The following NACC2 variants were observed in gnomAD, a reference collection of about 807,000 sequenced individuals.
NACC2 encodes NACC family member 2.
Under a neutral mutation model 25.1 loss-of-function variants are expected in NACC2, and 8 were observed. That is an observed-to-expected ratio of 0.32 (90% CI 0.19 to 0.57). NACC2 has a LOEUF of 0.57. Ranked by LOEUF, NACC2 falls within the 20% of genes least tolerant of loss-of-function variation. The pLI, the probability that NACC2 is intolerant of heterozygous loss-of-function variation, is 0.89. For synonymous variants in NACC2, 435 were observed against 294.7 expected (o/e 1.48, Z -4.88); for missense variants, 644 against 650.2 (o/e 0.99, Z 0.10).
intron 3 of NACC2, among the ~76,000 whole-genome samples, chr9:136,014,645 T>C (rs1003298551): frequency 2.6e-5 from 4 of 152,136 alleles, no homozygotes; most frequent in African/African-American, 9.7e-5. Flanking sequence ...AACACTCATG[T>C]CTTTGCCTTT....
At chr9:136,045,990 G>A (rs1410087847) in intron 2 of NACC2, among the ~76,000 whole-genome samples, 1 of 152,138 alleles carries the variant, frequency 6.6e-6, no homozygotes, top group Non-Finnish European at 1.5e-5. Context: ...AGATGCCCCC[G>A]AGCCCTGAGC....
At chr9:136,031,244 A>G (rs1458832051) in intron 2 of NACC2, among the ~76,000 whole-genome samples, 2 of 152,252 alleles carry the variant, frequency 1.3e-5, no homozygotes, top group African/African-American at 2.4e-5. Context: ...GATAATCTTG[A>G]TATCAAAACA....
At chr9:136,033,743 C>T (rs1342408561) in intron 2 of NACC2, among the ~76,000 whole-genome samples, 1 of 150,380 alleles carries the variant, frequency 6.6e-6, no homozygotes, top group African/African-American at 2.4e-5. Flanking sequence ...AAAATTATTG[C>T]TTTGGAGAGT....
chr9:136,026,585 C>T (rs1358869357), intron 2 of NACC2, among the ~76,000 whole-genome samples: 1 of 151,980 alleles, frequency 6.6e-6, no homozygotes, highest in Non-Finnish European at 1.5e-5. Flanking sequence ...TGAGGTAACG[C>T]AGGAGACAGT....
In NACC2 at chr9:136,049,792, C is replaced by A; in HGVS notation, c.730G>T (p.Gly244Trp). ...PGIQQMPYPQ[G>W]ERTSPGASSL... ...CTGGCGCCTGGACTGGTCCGCTCCC[C>A]CTGGGGGTAGGGCATCTGCTGGATG... Residue 244 changes from glycine to tryptophan, a missense_variant, in exon 2 of 6, where the codon GGG (glycine) becomes TGG (tryptophan). Coordinates refer to ENST00000277554, the MANE Select transcript of NACC2 (RefSeq NM_144653.5). The A allele has an allele frequency of 1.3e-6, 1 of 766,032 alleles. No homozygotes were observed. The highest frequency in any genetic ancestry group is 1.7e-5 in the African/African-American group (1 of 58,852). The allele number at this position is 766,032 out of a possible 1,614,324, so 47.5% of individuals were successfully genotyped here.
At chr9:136,051,368 G>A (rs1840832556) in intron 1 of NACC2, among the ~76,000 whole-genome samples, 5 of 152,298 alleles carry the variant, frequency 3.3e-5, no homozygotes, top group South Asian at 2.1e-4. Context: ...CCCCCACCCC[G>A]CTCGCCTCGC....
At chr9:136,046,448 C>T (rs947091790) in intron 2 of NACC2, among the ~76,000 whole-genome samples, 4,457 of 152,342 alleles carry the variant, frequency 0.029, 107 homozygotes, top group Non-Finnish European at 0.048. Flanking sequence ...GGAGGAAGGT[C>T]CCTGCCTGCC....
intron 2 of NACC2, among the ~76,000 whole-genome samples, chr9:136,034,513 ATACT>A (rs1385295826): frequency 6.6e-6 from 1 of 152,226 alleles, no homozygotes; most frequent in Non-Finnish European, 1.5e-5. Flanking sequence ...AAAAACAAAA[ATACT>A]TAGTGGCAAT....
chr9:136,015,080 ACAGGCCCTTCCTGC>A (rs2131133425), intron 3 of NACC2, among the ~76,000 whole-genome samples: 1 of 151,970 alleles, frequency 6.6e-6, no homozygotes, highest in Admixed American at 6.5e-5. Flanking sequence ...CACCACTCCC[ACAGGCCCTTCCTGC>A]CAGGGTCTGG....
intron 2 of NACC2, among the ~76,000 whole-genome samples, chr9:136,035,080 C>T (rs1347252008): frequency 1.3e-5 from 2 of 152,034 alleles, no homozygotes; most frequent in African/African-American, 2.4e-5. Flanking sequence ...GGTGACAGAG[C>T]GAGACTCCAT....
intron 2 of NACC2, among the ~76,000 whole-genome samples, chr9:136,039,825 T>C (rs1371908674): frequency 3.9e-5 from 6 of 151,932 alleles, no homozygotes; most frequent in Admixed American, 3.9e-4. Context: ...GCTGATATGT[T>C]CCCCCCGAGA....
chr9:136,042,699 CACACAGACACAG>C (rs1255782904), intron 2 of NACC2, among the ~76,000 whole-genome samples: 4 of 151,746 alleles, frequency 2.6e-5, no homozygotes, highest in South Asian at 2.1e-4. Flanking sequence ...CACAGACACA[CACACAGACACAG>C]AGACACACAC....
At chr9:136,067,559 C>T (rs12682934) in intron 1 of NACC2, among the ~76,000 whole-genome samples, 16,444 of 151,978 alleles carry the variant, frequency 0.11, 878 homozygotes, top group East Asian at 0.13. Flanking sequence ...CTCGATGGGC[C>T]GGGCGCGGTG....
chr9:136,088,222 C>T (rs1003382035), intron 1 of NACC2, among the ~76,000 whole-genome samples: 12 of 152,270 alleles, frequency 7.9e-5, no homozygotes, highest in Middle Eastern at 6.8e-3. Flanking sequence ...TCCAGTGGGA[C>T]GGAGCCTCTG....
chr9:136,093,646 C>T (rs1245173697), intron 1 of NACC2, among the ~76,000 whole-genome samples: 1 of 152,234 alleles, frequency 6.6e-6, no homozygotes, highest in Non-Finnish European at 1.5e-5. Flanking sequence ...CCTTGGGTGG[C>T]AGCTCCTTTT....
chr9:136,012,000 C>T lies in NACC2; in HGVS notation c.1280G>A (p.Ser427Asn). The T allele has an allele frequency of 6.3e-7, 1 of 1,595,898 alleles. No individual in the cohort carries two copies. ...VKLYCQNFAP[S>N]FKESEMNVIA... The stretch of plus-strand genomic sequence containing the variant: ...CACGTTCATCTCGCTCTCCTTGAAG[C>T]TGGGGGCGAAGTTCTGACAGTACAC... The change falls in exon 6 of 6, where the codon AGC becomes AAC. Residue 427 changes from serine to asparagine, a missense_variant. By Grantham distance (46) the Ser-to-Asn change is conservative. Coordinates refer to ENST00000277554, the MANE Select transcript of NACC2 (RefSeq NM_144653.5).
rs533663162 is a variant in NACC2, at chr9:136,018,014, G to T, written c.887-1585C>A. Among the ~76,000 whole-genome samples, 2 of 152,162 alleles carry T rather than the reference G, an allele frequency of 1.3e-5. No homozygotes were observed. The highest frequency in any genetic ancestry group is 4.8e-5 in the African/African-American group (2 of 41,446). On this transcript the variant is annotated intron_variant, in intron 2 of 5. Coordinates refer to ENST00000277554, the MANE Select transcript of NACC2 (RefSeq NM_144653.5). The surrounding 1 kb of genome is among the most constrained non-coding windows in gnomAD (Gnocchi z 4.4). ...GCCTCAGTGTGATGGGAAGTCCCCC[G>T]GTGGGGGGCGGGGGGCAGCTTGCAG...
intron 1 of NACC2, among the ~76,000 whole-genome samples, chr9:136,067,832 C>CA (rs1330842629): frequency 6.6e-6 from 1 of 152,164 alleles, no homozygotes; most frequent in Non-Finnish European, 1.5e-5. Context: ...GACGCCATCT[C>CA]AAAAACACAG....
intron 1 of NACC2, among the ~76,000 whole-genome samples, chr9:136,063,217 A>C (rs1841036801): frequency 6.6e-6 from 1 of 151,972 alleles, no homozygotes; most frequent in Admixed American, 6.6e-5. Flanking sequence ...AGCTCCCGGG[A>C]CCCCTGGGCT....
Sources: allele counts gnomAD v4.1 joint callset (sites outside exome capture counted in the v4.1 genomes callset), GRCh38; gene constraint gnomAD v4.1.1; non-coding constraint Gnocchi (gnomAD v3.1); transcripts MANE v1.5; gene names NCBI Gene and HGNC (gene_info 2026-07-23, HGNC 2026-07-21).